Variants in TNR observed in about 807,000 individuals in gnomAD.
TNR encodes tenascin R, also known as tenascin-R.
A neutral mutation model predicts 150.4 loss-of-function variants in TNR; 45 were observed. The observed-to-expected ratio is 0.30, with a 90% CI of 0.24 to 0.38. The LOEUF is 0.38. TNR is among the 10% of genes least tolerant of loss of function. The pLI, the probability that TNR is intolerant of heterozygous loss-of-function variation, is 1.00. For missense variants in TNR, 1,544 were observed against 1,759.1 expected (o/e 0.88, Z 2.19); for synonymous variants, 687 against 678.4 (o/e 1.01, Z -0.20).
chr1:175,495,592 G>A (rs2102143964), intron 2 of TNR, among the ~76,000 whole-genome samples: 1 of 152,252 alleles, frequency 6.6e-6, no homozygotes, highest in African/African-American at 2.4e-5. Context: ...ACCCCATATG[G>A]GGATATCTAA....
At chr1:175,497,601 G>A (rs1238136316) in intron 2 of TNR, among the ~76,000 whole-genome samples, 1 of 152,166 alleles carries the variant, frequency 6.6e-6, no homozygotes, top group Non-Finnish European at 1.5e-5. Context: ...GTGCTGTTGT[G>A]TTGTACTGCC....
chr1:175,657,937 A>T lies in TNR; in HGVS notation c.-165+85289T>A, dbSNP rs1377936155. Among the ~76,000 whole-genome samples the T allele has an allele frequency of 1.4e-4, 21 of 145,142 alleles. 2 individuals are homozygous for T. The highest frequency in any genetic ancestry group is 2.8e-4 in the Admixed American group (4 of 14,362). ...TACCCTAAAACTTAAAGTATAATAA[A>T]AAAAAAAAGGATGCCAGGTGAAAGG... On this transcript the variant is annotated intron_variant, in intron 1 of 22. Coordinates refer to ENST00000367674, the MANE Select transcript of TNR (RefSeq NM_003285.3).
At chr1:175,654,719 CTTTTTTTT>C (rs36087120) in intron 1 of TNR, among the ~76,000 whole-genome samples, 5 of 74,744 alleles carry the variant, frequency 6.7e-5, no homozygotes, top group South Asian at 1.1e-3. Context: ...AAGTTCCCTT[CTTTTTTTT>C]TTTTTTTTTT....
chr1:175,348,256 T>C (rs773643829), intron 18 of TNR, among the ~76,000 whole-genome samples: 7 of 152,142 alleles, frequency 4.6e-5, no homozygotes, highest in Non-Finnish European at 8.8e-5. Context: ...AAAATAAGGA[T>C]GATTTGAACA....
At chr1:175,419,930 C>A (rs1362249291) in intron 2 of TNR, among the ~76,000 whole-genome samples, 1 of 152,172 alleles carries the variant, frequency 6.6e-6, no homozygotes. Flanking sequence ...TTCACTCTTT[C>A]CCAGCAGGCT....
intron 1 of TNR, among the ~76,000 whole-genome samples, chr1:175,700,572 G>A (rs558061390): frequency 1.3e-5 from 2 of 152,212 alleles, no homozygotes; most frequent in Admixed American, 1.3e-4. Flanking sequence ...CTTTGGAGAC[G>A]GTGCACCGTG....
At chr1:175,741,364 T>C (rs1316933191) in intron 1 of TNR, among the ~76,000 whole-genome samples, 1 of 152,204 alleles carries the variant, frequency 6.6e-6, no homozygotes, top group African/African-American at 2.4e-5. Context: ...ATTAATGAGA[T>C]AATGACTACT....
At chr1:175,573,194 C>A (rs1339139965) in intron 1 of TNR, among the ~76,000 whole-genome samples, 16 of 152,212 alleles carry the variant, frequency 1.1e-4, no homozygotes, top group Admixed American at 1.0e-3. Context: ...CAGCCACACT[C>A]CACCAGCTAC....
chr1:175,655,224 G>A (rs958916227), intron 1 of TNR, among the ~76,000 whole-genome samples: 2 of 152,136 alleles, frequency 1.3e-5, no homozygotes, highest in African/African-American at 4.8e-5. Flanking sequence ...AATGTTCCAG[G>A]AGGTAAATAA....
intron 1 of TNR, among the ~76,000 whole-genome samples, chr1:175,571,201 CTCCACCTTTAGAATG>C (rs1558012697): frequency 6.6e-6 from 1 of 152,206 alleles, no homozygotes; most frequent in Non-Finnish European, 1.5e-5. Flanking sequence ...CATGGGACTG[CTCCACCTTTAGAATG>C]TTCACTTTGT....
chr1:175,409,426 T>C (rs6703830), intron 2 of TNR, among the ~76,000 whole-genome samples: 104,285 of 152,014 alleles, frequency 0.69, 36,160 homozygotes, highest in East Asian at 0.83. Context: ...TCCTACACTT[T>C]TAGGTCCAAA....
At chr1:175,390,294 A>C (rs990137831) in intron 7 of TNR, among the ~76,000 whole-genome samples, 6 of 152,216 alleles carry the variant, frequency 3.9e-5, no homozygotes, top group Admixed American at 2.0e-4. Flanking sequence ...TCCTGGACTT[A>C]AAACTGGCTT....
intron 1 of TNR, among the ~76,000 whole-genome samples, chr1:175,529,693 G>C (rs1023988214): frequency 6.6e-5 from 10 of 152,176 alleles, no homozygotes; most frequent in African/African-American, 2.4e-4. Context: ...AGCCTATTTG[G>C]GGGGCAGATA....
intron 1 of TNR, among the ~76,000 whole-genome samples, chr1:175,595,535 C>A (rs900354619): frequency 6.6e-6 from 1 of 152,138 alleles, no homozygotes; most frequent in South Asian, 2.1e-4. Context: ...AGGGTAAAAT[C>A]GGTATACTTT....
Position 175,727,122 on chromosome 1 carries a change from C to T in TNR, c.-165+16104G>A, listed in dbSNP as rs367905913. On this transcript the variant is annotated intron_variant, in intron 1 of 22. Coordinates refer to ENST00000367674, the MANE Select transcript of TNR (RefSeq NM_003285.3). ...TGACAAGGGAACTCTCCTGACTCTA[C>T]GACCTTGCTGGTTGACCTTGTTGTC... Among the ~76,000 whole-genome samples the T allele has an allele frequency of 7.2e-5, 11 of 152,348 alleles. No individual in the cohort carries two copies. In the East Asian group the frequency reaches 7.7e-4, roughly 11 times the overall value.
At position 175,359,348 on chromosome 1, in the gene TNR, G is replaced by A. The variant is rs138613215; in HGVS notation, c.2974+264C>T. Among the ~76,000 whole-genome samples, 1,508 of 151,850 alleles carry A rather than the reference G, an allele frequency of 9.9e-3. 22 individuals are homozygous for A. The highest frequency in any genetic ancestry group is 0.033 in the African/African-American group (1,369 of 41,410). ...TTTAGAAGAGATGGGGTTTCACCAT[G>A]TAGGCCAGGCTGGTCTTGAACTCCT... On this transcript the variant is annotated intron_variant, in intron 15 of 22. Coordinates refer to ENST00000367674, the MANE Select transcript of TNR (RefSeq NM_003285.3).
intron 4 of TNR, 25 bp from the exon 5 acceptor site, chr1:175,396,832 G>A (rs779612897): frequency 1.6e-5 from 25 of 1,602,670 alleles, no homozygotes; most frequent in Non-Finnish European, 2.0e-5. Context: ...TACACAGATA[G>A]CATGAGCTCA....
intron 1 of TNR, among the ~76,000 whole-genome samples, chr1:175,732,145 A>T (rs976762749): frequency 2.0e-5 from 3 of 152,216 alleles, no homozygotes; most frequent in African/African-American, 4.8e-5. Flanking sequence ...TCACAGCTCA[A>T]CAAGAAACCT....
At chr1:175,673,207 T>C (rs924496057) in intron 1 of TNR, among the ~76,000 whole-genome samples, 3 of 152,206 alleles carry the variant, frequency 2.0e-5, no homozygotes, top group African/African-American at 7.2e-5. Context: ...GTTTCTTTCC[T>C]GTCCTTCTCA....
Sources: gnomAD v4.1 joint callset for allele counts (sites outside exome capture counted in the v4.1 genomes callset) on GRCh38, gnomAD v4.1.1 for gene constraint, MANE v1.5 for transcripts, NCBI Gene and HGNC (gene_info 2026-07-23, HGNC 2026-07-21) for gene names.